Variants in ADAM12 observed in about 807,000 individuals in gnomAD.
The protein encoded by ADAM12 is ADAM metallopeptidase domain 12, also known as disintegrin and metalloproteinase domain-containing protein 12.
In ADAM12, 70 loss-of-function variants were observed where a neutral mutation model predicts 106.4. That is an observed-to-expected ratio of 0.66 (90% CI 0.54 to 0.80). The LOEUF (loss-of-function observed/expected upper bound fraction) is 0.80, where lower values mean the gene tolerates loss of function less well. ADAM12 is among the 30% of genes least tolerant of loss of function. The pLI, the probability that ADAM12 is intolerant of heterozygous loss-of-function variation, is 0.00. For synonymous variants in ADAM12, 420 were observed against 433.5 expected, an observed-to-expected ratio of 0.97 and a Z score of 0.39; for missense variants, 1,010 against 1,171.9, an observed-to-expected ratio of 0.86 and a Z score of 2.02.
At chr10:126,368,923 G>C (rs1856013294) in intron 1 of ADAM12, among the ~76,000 whole-genome samples, 1 of 152,134 alleles carries the variant, frequency 6.6e-6, no homozygotes, top group African/African-American at 2.4e-5. Flanking sequence ...TTCTCAGGGA[G>C]ATAAGAACAA....
At position 126,151,084 on chromosome 10, in the gene ADAM12, A is replaced by G. The variant is rs115471834; in HGVS notation, c.339+4143T>C. Among the ~76,000 whole-genome samples, 1,227 of 152,310 alleles carry G rather than the reference A, an allele frequency of 8.1e-3. 13 individuals carry two copies. Among genetic ancestry groups the G allele is most frequent in the African/African-American group, 0.028 (1,177 of 41,568 alleles). Reference sequence around the variant, plus strand: ...TTAAGCAGGATTTATATGCTGAGGAATATATTTTAGTCAGCCTATCTCCCC... The same window carrying G: ...TTAAGCAGGATTTATATGCTGAGGAGTATATTTTAGTCAGCCTATCTCCCC... On this transcript the variant is annotated intron_variant, in intron 4 of 22. Coordinates refer to ENST00000448723, the MANE Select transcript of ADAM12 (RefSeq NM_001288973.2).
chr10:126,267,417 A>G (rs1163434301), intron 3 of ADAM12, among the ~76,000 whole-genome samples: 1 of 152,204 alleles, frequency 6.6e-6, no homozygotes, highest in African/African-American at 2.4e-5. Context: ...ACAACTCACC[A>G]TCATGTAGAA....
intron 3 of ADAM12, among the ~76,000 whole-genome samples, chr10:126,216,429 C>T (rs1957988206): frequency 6.6e-6 from 1 of 152,180 alleles, no homozygotes; most frequent in South Asian, 2.1e-4. Flanking sequence ...CATTTGTTTC[C>T]CAACTGTTAC....
intron 4 of ADAM12, among the ~76,000 whole-genome samples, chr10:126,144,139 A>G (rs1026154292): frequency 6.6e-6 from 1 of 152,232 alleles, no homozygotes; most frequent in African/African-American, 2.4e-5. Flanking sequence ...TTCTGCAGAG[A>G]GAACAAACGC....
intron 3 of ADAM12, among the ~76,000 whole-genome samples, chr10:126,268,134 G>GC (rs1470044690): frequency 6.6e-6 from 1 of 151,914 alleles, no homozygotes; most frequent in Non-Finnish European, 1.5e-5. Flanking sequence ...AACCCTCCAG[G>GC]CCCCGGTAAC....
At chr10:126,021,278 C>T (rs1178109279) in intron 21 of ADAM12, among the ~76,000 whole-genome samples, 1 of 152,150 alleles carries the variant, frequency 6.6e-6, no homozygotes, top group Non-Finnish European at 1.5e-5. Flanking sequence ...ATCATAGGAC[C>T]CAGTATATAT....
chr10:126,124,134 T>A (rs1379572026), intron 5 of ADAM12, among the ~76,000 whole-genome samples: 1 of 152,212 alleles, frequency 6.6e-6, no homozygotes, highest in East Asian at 1.9e-4. Context: ...ACATGGATTT[T>A]GACTGCCTGT....
rs1174155677 is a variant in ADAM12 at position 126,321,911 on chromosome 10, G to GGT, written c.186+8500_186+8501insAC. ...TAACTTTCTACCTGGGGGTCGGGGG[G>GGT]GGGGCTTCAGCAACCTCATGTGCAC... On this transcript the variant is annotated intron_variant, in intron 2 of 22. Coordinates refer to ENST00000448723, the MANE Select transcript of ADAM12 (RefSeq NM_001288973.2). Among the ~76,000 whole-genome samples, 182 of 141,154 alleles carry GGT rather than the reference G, an allele frequency of 1.3e-3. 2 individuals are homozygous for GGT. Among genetic ancestry groups the GGT allele is most frequent in the Admixed American group, 4.5e-3 (64 of 14,078 alleles). The allele number at this position is 141,154 out of a possible 152,430, so 92.6% of individuals were successfully genotyped here.
Position 126,079,238 on chromosome 10 carries a change from A to C in ADAM12, c.1146-7584T>G, listed in dbSNP as rs567455024. Among the ~76,000 whole-genome samples, 3 of 152,280 alleles carry C rather than the reference A, an allele frequency of 2.0e-5. No individual in the cohort carries two copies. In the East Asian group the frequency reaches 5.8e-4, roughly 29 times the overall value. On this transcript the variant is annotated intron_variant, in intron 11 of 22. Transcript: ENST00000448723. ...GTAATCCAATGTTTTTTTCCAGCACATTCACAATGTTGTGTAGCCATCACT... is the reference window on the plus strand; with the variant it reads ...GTAATCCAATGTTTTTTTCCAGCACCTTCACAATGTTGTGTAGCCATCACT...
At chr10:126,041,529 C>T in intron 18 of ADAM12, 1 of 985,824 alleles carries the variant, frequency 1.0e-6, no homozygotes, top group Non-Finnish European at 1.2e-6. Context: ...AGCAAAGAGC[C>T]AGAGTTCACC....
At chr10:126,327,586 C>A (rs1854349636) in intron 2 of ADAM12, among the ~76,000 whole-genome samples, 1 of 151,894 alleles carries the variant, frequency 6.6e-6, no homozygotes, top group Non-Finnish European at 1.5e-5. Context: ...GGAGGCCTGT[C>A]TCCTACCCCC....
At chr10:126,381,536 C>A (rs906919976) in intron 1 of ADAM12, among the ~76,000 whole-genome samples, 1 of 152,088 alleles carries the variant, frequency 6.6e-6, no homozygotes, top group Non-Finnish European at 1.5e-5. Flanking sequence ...CACTCTGTCA[C>A]CCAGGCTGGA....
chr10:126,286,607 A>ACCACTTTAATATCAGTGTGCT (rs1401671734), intron 2 of ADAM12, among the ~76,000 whole-genome samples: 1 of 152,236 alleles, frequency 6.6e-6, no homozygotes, highest in African/African-American at 2.4e-5. Context: ...AATCTTGATT[A>ACCACTTTAATATCAGTGTGCT]CCACTTTAAT....
At chr10:126,246,971 A>G (rs984424592) in intron 3 of ADAM12, among the ~76,000 whole-genome samples, 10 of 152,210 alleles carry the variant, frequency 6.6e-5, no homozygotes, top group Admixed American at 3.9e-4. Flanking sequence ...ATGATTCTAT[A>G]TCTATTTCTA....
chr10:126,122,037 G>A (rs947143112), intron 5 of ADAM12, among the ~76,000 whole-genome samples: 6 of 152,080 alleles, frequency 3.9e-5, no homozygotes, highest in African/African-American at 9.7e-5. Context: ...CGAGATATCC[G>A]GGACAATTAG....
chr10:126,073,492 C>T (rs2133504290), intron 11 of ADAM12, among the ~76,000 whole-genome samples: 1 of 152,180 alleles, frequency 6.6e-6, no homozygotes, highest in Middle Eastern at 3.4e-3. Flanking sequence ...CAGATTATTT[C>T]ATCACCCAGG....
intron 21 of ADAM12, among the ~76,000 whole-genome samples, chr10:126,031,882 C>G (rs1310631221): frequency 6.6e-6 from 1 of 152,062 alleles, no homozygotes; most frequent in Non-Finnish European, 1.5e-5. Context: ...ATTATTTTTC[C>G]TCTAATATAG....
chr10:126,098,332 C>T, intron 10 of ADAM12, 84 bp downstream of exon 10: 2 of 1,095,874 alleles, frequency 1.8e-6, no homozygotes, highest in Middle Eastern at 2.0e-4. Flanking sequence ...AGGAAAGGAT[C>T]TATCTTCACA....
chr10:126,195,144 C>T (rs199797647), intron 3 of ADAM12, among the ~76,000 whole-genome samples: 54 of 152,166 alleles, frequency 3.5e-4, no homozygotes, highest in East Asian at 1.2e-3. Flanking sequence ...CACAAAATTT[C>T]GGTTAGGAGG....
Sources: gnomAD v4.1 joint callset for allele counts (sites outside exome capture counted in the v4.1 genomes callset) on GRCh38, gnomAD v4.1.1 for gene constraint, MANE v1.5 for transcripts, NCBI Gene and HGNC (gene_info 2026-07-23, HGNC 2026-07-21) for gene names.